CGNL1: variants seen among roughly 807,000 people sequenced by gnomAD.
CGNL1 encodes cingulin-like protein 1.
CGNL1 carries 132 observed loss-of-function variants against 141.2 expected under a neutral mutation model. That is an observed-to-expected ratio of 0.93 (90% CI 0.81 to 1.08). The LOEUF is 1.08. Ranked by LOEUF, CGNL1 falls within the 50% of genes least tolerant of loss-of-function variation. CGNL1 has a pLI of 0.00. For missense variants in CGNL1, 1,870 were observed against 1,588.6 expected (o/e 1.18, Z -3.01); for synonymous variants, 690 against 622.1 (o/e 1.11, Z -1.63).
chr15:57,547,544 C>T lies in CGNL1; in HGVS notation c.*54C>T. The T allele has an allele frequency of 6.3e-7, 1 of 1,589,476 alleles. No individual in the cohort carries two copies. Among genetic ancestry groups the T allele is most frequent in the South Asian group, 1.1e-5 (1 of 87,398 alleles). ...TCATTCCTGCAGGAGCTGCAGCCAC[C>T]CAAAGTGGGAGGCAGGGAGGGGAGC... On this transcript the variant is annotated 3_prime_UTR_variant, in exon 19 of 19. Transcript: ENST00000281282.
At chr15:57,523,828 A>G (rs956832684) in intron 11 of CGNL1, among the ~76,000 whole-genome samples, 187 bp downstream of exon 11, 1 of 152,218 alleles carries the variant, frequency 6.6e-6, no homozygotes, top group Non-Finnish European at 1.5e-5. Context: ...TCTAGAAAAC[A>G]TTAATGCCAG....
chr15:57,479,756 T>A (rs2063702635), intron 8 of CGNL1, among the ~76,000 whole-genome samples: 2 of 151,866 alleles, frequency 1.3e-5, no homozygotes, highest in African/African-American at 4.8e-5. Flanking sequence ...GCAGAGCAGT[T>A]TGAAGTATGA....
chr15:57,479,625 C>A (rs1285201797), intron 8 of CGNL1, among the ~76,000 whole-genome samples: 2 of 152,186 alleles, frequency 1.3e-5, no homozygotes, highest in South Asian at 4.1e-4. Flanking sequence ...GATTGTGCCA[C>A]TGCACTTCAG....
At chr15:57,390,410 A>G (rs1376861261) in intron 1 of CGNL1, among the ~76,000 whole-genome samples, 1 of 152,252 alleles carries the variant, frequency 6.6e-6, no homozygotes, top group Non-Finnish European at 1.5e-5. Flanking sequence ...AGTTCTGCCA[A>G]GATTCCCTTG....
At chr15:57,481,415 G>C (rs2063724934) in intron 8 of CGNL1, among the ~76,000 whole-genome samples, 1 of 152,084 alleles carries the variant, frequency 6.6e-6, no homozygotes, top group Non-Finnish European at 1.5e-5. Flanking sequence ...TTTCCAGGAT[G>C]GTATATAGAT....
intron 8 of CGNL1, among the ~76,000 whole-genome samples, chr15:57,514,131 G>A (rs2030570830): frequency 6.6e-6 from 1 of 150,408 alleles, no homozygotes; most frequent in African/African-American, 2.4e-5. Context: ...TTTATATACT[G>A]TTCGGATCCT....
At chr15:57,498,081 A>T (rs1235344215) in intron 8 of CGNL1, among the ~76,000 whole-genome samples, 1 of 151,924 alleles carries the variant, frequency 6.6e-6, no homozygotes, top group Non-Finnish European at 1.5e-5. Flanking sequence ...TGTGTGTGGC[A>T]CCAAGCACTC....
chr15:57,519,438 G>T (rs983327513), intron 10 of CGNL1, among the ~76,000 whole-genome samples: 1 of 152,154 alleles, frequency 6.6e-6, no homozygotes, highest in African/African-American at 2.4e-5. Context: ...ATCTCCTAGA[G>T]TATAGAGGAG....
chr15:57,519,190 G>C (rs72739798), intron 10 of CGNL1, among the ~76,000 whole-genome samples: 1 of 152,160 alleles, frequency 6.6e-6, no homozygotes, highest in Admixed American at 6.5e-5. Flanking sequence ...GGTGATGCAG[G>C]TGTGTCCTTC....
At chr15:57,532,321 T>A (rs1348008502) in intron 14 of CGNL1, among the ~76,000 whole-genome samples, 1 of 152,248 alleles carries the variant, frequency 6.6e-6, no homozygotes, top group African/African-American at 2.4e-5. Flanking sequence ...ATATTTTATC[T>A]GTCAAGTGGT....
At chr15:57,379,113 T>C (rs1231479320) in intron 1 of CGNL1, among the ~76,000 whole-genome samples, 1 of 152,190 alleles carries the variant, frequency 6.6e-6, no homozygotes, top group Non-Finnish European at 1.5e-5. Context: ...TTAAATGGTT[T>C]GTTAACTTCC....
intron 1 of CGNL1, among the ~76,000 whole-genome samples, chr15:57,411,515 C>G (rs1002520423): frequency 1.3e-5 from 2 of 151,364 alleles, no homozygotes; most frequent in African/African-American, 4.9e-5. Flanking sequence ...GCAATCTCAG[C>G]TCACTGCAAC....
chr15:57,547,595 C>G lies in CGNL1; in HGVS notation c.*105C>G. ...ATCTGTCTGCCACTGAGACCAATCA[C>G]AGCCTCTTTGCACAGCATGCCAGCT... On this transcript the variant is annotated 3_prime_UTR_variant, in exon 19 of 19. Transcript: ENST00000281282. 1 of 1,321,888 alleles carries G rather than the reference C, an allele frequency of 7.6e-7. No homozygotes were observed. Among genetic ancestry groups the G allele is most frequent in the South Asian group, 1.4e-5 (1 of 73,164 alleles). 81.9% of individuals were successfully genotyped at this position (1,321,888 alleles called of 1,614,324 possible).
chr15:57,442,489 G>C lies in CGNL1; in HGVS notation c.1803+11G>C. ...CAAGGAAATAACCAAGTAAATGGAA[G>C]TTTTGTATTTTGTAGAGTGCATTTA... On this transcript the variant is annotated intron_variant, in intron 4 of 18. Transcript: ENST00000281282. 6.5e-7 allele frequency: 1 copy of C among 1,539,606 alleles called. No homozygotes were observed.
At chr15:57,518,876 C>T (rs2031043278) in intron 10 of CGNL1, among the ~76,000 whole-genome samples, 1 of 152,236 alleles carries the variant, frequency 6.6e-6, no homozygotes, top group Non-Finnish European at 1.5e-5. Context: ...AAGAGCTTGA[C>T]AGCTTTCCAA....
At chr15:57,468,981 G>A (rs1262557662) in intron 8 of CGNL1, among the ~76,000 whole-genome samples, 2 of 152,316 alleles carry the variant, frequency 1.3e-5, no homozygotes, top group Middle Eastern at 3.4e-3. Context: ...CCCTAGCCAC[G>A]TGGAACTGTA....
intron 1 of CGNL1, among the ~76,000 whole-genome samples, chr15:57,415,973 T>C (rs2152275978): frequency 6.6e-6 from 1 of 152,314 alleles, no homozygotes; most frequent in Non-Finnish European, 1.5e-5. Context: ...ATCCCTGCTC[T>C]GGGGCCTCCG....
rs1000257883 is a variant in CGNL1 at position 57,451,525 on chromosome 15, A to G, written c.1829A>G (p.Lys610Arg). The G allele has an allele frequency of 1.9e-6, 3 of 1,612,456 alleles. No individual in the cohort carries two copies. The South Asian group carries it at 3.3e-5, about 18-fold the overall frequency. Residue 610 changes from lysine (K) to arginine (R), a missense_variant, in exon 5 of 19, where the codon AAA becomes AGA. Physicochemically the swap from Lys to Arg is conservative, Grantham distance 26. Transcript: ENST00000281282. ...GCTTGTAATTCCACATCTGAAGTCA[A>G]AGATCTATTGGAACAGAAAAGCAAG... Reference protein sequence around the residue: ...NQACNSTSEVKDLLEQKSKLT... With the variant: ...NQACNSTSEVRDLLEQKSKLT...
At position 57,422,745 on chromosome 15, in the gene CGNL1, A is replaced by G. The variant is rs1392393136; in HGVS notation, c.-15-15240A>G. On this transcript the variant is annotated intron_variant, in intron 1 of 18. Transcript: ENST00000281282. Reference sequence around the variant, plus strand: ...ATAGTAAGGCGAAGGTGAGGCACCTAGTGTCAGTATTGGCTTTAGGTGGAA... The same window carrying G: ...ATAGTAAGGCGAAGGTGAGGCACCTGGTGTCAGTATTGGCTTTAGGTGGAA... Among the ~76,000 whole-genome samples the G allele has an allele frequency of 2.6e-5, 4 of 152,214 alleles. No individual in the cohort carries two copies. The East Asian group carries it at 7.7e-4, about 29-fold the overall frequency.
Sources: gnomAD v4.1 joint callset for allele counts (sites outside exome capture counted in the v4.1 genomes callset) on GRCh38, gnomAD v4.1.1 for gene constraint, MANE v1.5 for transcripts, NCBI Gene and HGNC (gene_info 2026-07-23, HGNC 2026-07-21) for gene names.